Variants in DIP2B observed in about 807,000 individuals in gnomAD.
DIP2B encodes the protein disco-interacting protein 2 homolog B.
Under a neutral mutation model 198.0 loss-of-function variants are expected in DIP2B, and 76 were observed. That is an observed-to-expected ratio of 0.38 (90% CI 0.32 to 0.46). The LOEUF is 0.46. Ranked by LOEUF, DIP2B falls within the 20% of genes least tolerant of loss-of-function variation. The pLI is 0.99. For synonymous variants in DIP2B, 701 were observed against 739.1 expected (o/e 0.95, Z 0.84); for missense variants, 1,559 against 1,978.4 (o/e 0.79, Z 4.02).
intron 32 of DIP2B, among the ~76,000 whole-genome samples, chr12:50,732,947 C>T (rs1318103614): frequency 2.6e-5 from 4 of 151,938 alleles, no homozygotes; most frequent in African/African-American, 7.3e-5. Context: ...GCTCTGTCAC[C>T]CCAGCTGGAG....
At chr12:50,507,406 T>C (rs944127041) in intron 1 of DIP2B, among the ~76,000 whole-genome samples, 5 of 152,226 alleles carry the variant, frequency 3.3e-5, no homozygotes, top group Admixed American at 6.5e-5. Flanking sequence ...GTTAAAATAA[T>C]CCAAAAGTCC....
Position 50,680,358 on chromosome 12 carries a change from G to A in DIP2B, c.1115-314G>A, listed in dbSNP as rs1053164295. 4 of 195,926 alleles carry A rather than the reference G, an allele frequency of 2.0e-5. No individual in the cohort carries two copies. The Admixed American group carries it at 2.3e-4, about 11-fold the overall frequency. The allele number at this position is 195,926 out of a possible 1,614,324, so 12.1% of individuals were successfully genotyped here. On this transcript the variant is annotated intron_variant, in intron 8 of 37. Transcript: ENST00000301180. The stretch of plus-strand genomic sequence containing the variant: ...GTTTTCCTCCCTTTCAGTATGATCA[G>A]TTTGCATCAAATTATTTCTAAGGAT...
intron 4 of DIP2B, among the ~76,000 whole-genome samples, chr12:50,661,046 T>G (rs1938637352): frequency 6.6e-6 from 1 of 152,136 alleles, no homozygotes; most frequent in African/African-American, 2.4e-5. Flanking sequence ...CTAAGTTGTC[T>G]TGTCTGTTCA....
At position 50,741,555 on chromosome 12, in the gene DIP2B, T is replaced by G; in HGVS notation, c.4478+16T>G. The stretch of plus-strand genomic sequence containing the variant: ...TTGCTGAATGGTAACTCCCTCAGCA[T>G]ACACTGTGCTTCCCACTTCAGCTTT... On this transcript the variant is annotated intron_variant, in intron 37 of 37. Transcript: ENST00000301180. 1 of 1,608,054 alleles carries G rather than the reference T, an allele frequency of 6.2e-7. No individual in the cohort carries two copies. Among genetic ancestry groups the G allele is most frequent in the Non-Finnish European group, 8.5e-7 (1 of 1,176,804 alleles).
intron 37 of DIP2B, among the ~76,000 whole-genome samples, chr12:50,742,249 A>G (rs929860447): frequency 2.0e-5 from 3 of 152,014 alleles, no homozygotes; most frequent in Non-Finnish European, 4.4e-5. Flanking sequence ...AAATTAAAAA[A>G]ATAGCCAGGT....
At chr12:50,530,271 G>A (rs996551540) in intron 1 of DIP2B, among the ~76,000 whole-genome samples, 1 of 152,068 alleles carries the variant, frequency 6.6e-6, no homozygotes, top group South Asian at 2.1e-4. Context: ...TAGTAGAGAC[G>A]GGGTTTCACT....
chr12:50,550,473 A>G (rs898188137), intron 1 of DIP2B, among the ~76,000 whole-genome samples: 2 of 152,210 alleles, frequency 1.3e-5, no homozygotes, highest in Admixed American at 1.3e-4. Flanking sequence ...TAGTTTATTA[A>G]TAGCTCTATA....
At chr12:50,708,895 G>A in intron 22 of DIP2B, among the ~76,000 whole-genome samples, 1 of 152,252 alleles carries the variant, frequency 6.6e-6, no homozygotes, top group Admixed American at 6.5e-5. Context: ...GTCAGTCACA[G>A]TTTTACTGTG....
chr12:50,728,817 G>T (rs1169231517), intron 30 of DIP2B, 139 bp downstream of exon 30: 2 of 1,207,484 alleles, frequency 1.7e-6, no homozygotes, highest in Non-Finnish European at 2.2e-6. Context: ...TGGATCTACT[G>T]TGTCTCTGAA....
Position 50,692,940 on chromosome 12 carries a change from C to G in DIP2B, c.1655-9C>G. The G allele has an allele frequency of 1.2e-6, 2 of 1,602,138 alleles. No individual in the cohort carries two copies. The highest frequency in any genetic ancestry group is 1.7e-6 in the Non-Finnish European group (2 of 1,176,984). ...TGATTTCTTTGTCTTCCTATTTTTT[C>G]TATTTTAGGGGAAACAATAGTAAAT... On this transcript the variant is annotated splice_polypyrimidine_tract_variant and intron_variant, in intron 13 of 37. Transcript: ENST00000301180.
In DIP2B at chr12:50,505,098, G is replaced by A; in HGVS notation, c.-43G>A. 6.6e-7 allele frequency: 1 copy of A among 1,513,344 alleles called. No homozygotes were observed. The highest frequency in any genetic ancestry group is 8.9e-7 in the Non-Finnish European group (1 of 1,129,762). The allele number at this position is 1,513,344 out of a possible 1,614,324, so 93.7% of individuals were successfully genotyped here. Reference sequence around the variant, plus strand: ...GCCCGTGTCTGTCCGTCCCTCCTTCGGCCCCCTCTCTTGTCTTCCGGAGTG... The same window carrying A: ...GCCCGTGTCTGTCCGTCCCTCCTTCAGCCCCCTCTCTTGTCTTCCGGAGTG... On this transcript the variant is annotated 5_prime_UTR_variant, in exon 1 of 38. Transcript: ENST00000301180.
rs555877433 is a variant in DIP2B, at chr12:50,741,994, G to A, written c.4478+455G>A. Among the ~76,000 whole-genome samples the A allele has an allele frequency of 1.1e-3, 167 of 152,254 alleles. 1 individual carries two copies. Among genetic ancestry groups the A allele is most frequent in the Middle Eastern group, 6.8e-3 (2 of 294 alleles). On this transcript the variant is annotated intron_variant, in intron 37 of 37. Coordinates refer to ENST00000301180, the MANE Select transcript of DIP2B (RefSeq NM_173602.3). ...TATTAAATGGTAAGCAGATGAAAAG[G>A]GTAGTTGATATTATCTCATCCAGTT...
At chr12:50,614,631 G>T (rs1015326833) in intron 1 of DIP2B, among the ~76,000 whole-genome samples, 1 of 152,186 alleles carries the variant, frequency 6.6e-6, no homozygotes, top group Admixed American at 6.5e-5. Flanking sequence ...TACAGATGAA[G>T]AGACTGAGGC....
In DIP2B at chr12:50,631,477, G is replaced by A. The variant is rs575767069; in HGVS notation, c.172+5430G>A. On this transcript the variant is annotated intron_variant, in intron 2 of 37. Transcript: ENST00000301180. ...CTTGACCTCATGATCCACCTGCCTC[G>A]GCCTCCCAAAGAGGTGGGATTACAG... is the stretch of plus-strand genomic sequence containing the variant. 2.2e-4 allele frequency among the ~76,000 whole-genome samples: 33 copies of A among 151,874 alleles called. 1 individual carries two copies. The highest frequency in any genetic ancestry group is 4.3e-4 in the Non-Finnish European group (29 of 67,942).
Position 50,744,717 on chromosome 12 carries a change from G to C in DIP2B, c.4609G>C (p.Val1537Leu). ...LEEHYLIVGV[V>L]VVVDPGVIPI... ...AGAGCATTACCTCATCGTTGGCGTCGTGGTTGTGGTGGACCCAGGTGTCAT... is the reference window on the plus strand; with the variant it reads ...AGAGCATTACCTCATCGTTGGCGTCCTGGTTGTGGTGGACCCAGGTGTCAT... The change falls in exon 38 of 38, where the codon GTG becomes CTG. Residue 1537 changes from valine (V) to leucine (L), a missense_variant. Coordinates refer to ENST00000301180, the MANE Select transcript of DIP2B (RefSeq NM_173602.3). The C allele has an allele frequency of 6.2e-7, 1 of 1,614,166 alleles. No individual in the cohort carries two copies. Among genetic ancestry groups the C allele is most frequent in the Non-Finnish European group, 8.5e-7 (1 of 1,180,032 alleles).
At chr12:50,723,825 G>A (rs1939883773) in intron 27 of DIP2B, among the ~76,000 whole-genome samples, 1 of 152,094 alleles carries the variant, frequency 6.6e-6, no homozygotes. Context: ...TTATCTAGGC[G>A]ATTTTAAATG....
At chr12:50,545,692 A>G (rs537616147) in intron 1 of DIP2B, among the ~76,000 whole-genome samples, 8 of 132,240 alleles carry the variant, frequency 6.0e-5, no homozygotes, top group Admixed American at 2.4e-4. Flanking sequence ...TTTTTTTTTC[A>G]TAACGCTATC....
chr12:50,725,255 A>G (rs574971524), intron 28 of DIP2B, among the ~76,000 whole-genome samples: 26 of 152,318 alleles, frequency 1.7e-4, no homozygotes, highest in Admixed American at 9.8e-4. Flanking sequence ...ACTAGGAGTC[A>G]GGTGATTTGG....
At chr12:50,518,488 C>T (rs7314434) in intron 1 of DIP2B, among the ~76,000 whole-genome samples, 8,895 of 152,238 alleles carry the variant, frequency 0.058, 333 homozygotes, top group Non-Finnish European at 0.088. Flanking sequence ...GGATTACAGG[C>T]GTGAGCCACA....
Sources: allele counts gnomAD v4.1 joint callset (sites outside exome capture counted in the v4.1 genomes callset), GRCh38; gene constraint gnomAD v4.1.1; transcripts MANE v1.5; gene names NCBI Gene and HGNC (gene_info 2026-07-23, HGNC 2026-07-21).